The following MPC2 variants were observed in gnomAD, a reference collection of about 807,000 sequenced individuals.
MPC2 encodes the protein mitochondrial pyruvate carrier 2.
In MPC2, 19 loss-of-function variants were observed where a neutral mutation model predicts 19.2. The observed-to-expected ratio is 0.99, with a 90% CI of 0.69 to 1.45. The LOEUF is 1.45. Among genes scored for constraint, MPC2 ranks in the 40% most tolerant of loss-of-function variants. The pLI, the probability that MPC2 is intolerant of heterozygous loss-of-function variation, is 0.00. For missense variants in MPC2, 122 were observed against 153.0 expected (o/e 0.80, Z 1.07); for synonymous variants, 61 against 54.3 (o/e 1.12, Z -0.54).
chr1:167,935,358 C>T (rs532670934), intron 2 of MPC2, among the ~76,000 whole-genome samples: 1 of 152,282 alleles, frequency 6.6e-6, no homozygotes, highest in African/African-American at 2.4e-5. Flanking sequence ...CCAGCTCTGC[C>T]TAGAGTGGGT....
chr1:167,926,932 T>C (rs890195333), intron 2 of MPC2, among the ~76,000 whole-genome samples: 2 of 152,204 alleles, frequency 1.3e-5, no homozygotes. Flanking sequence ...TTAGGCTAAA[T>C]TGCTCCTTCT....
At chr1:167,931,769 A>C (rs1337021188) in intron 2 of MPC2, among the ~76,000 whole-genome samples, 1 of 152,154 alleles carries the variant, frequency 6.6e-6, no homozygotes, top group Non-Finnish European at 1.5e-5. Context: ...CTATTGTAAC[A>C]TCAATTCTCT....
chr1:167,932,147 C>G (rs1346103234), intron 2 of MPC2, among the ~76,000 whole-genome samples: 1 of 152,156 alleles, frequency 6.6e-6, no homozygotes, highest in Non-Finnish European at 1.5e-5. Flanking sequence ...GTTTTTGGGA[C>G]TAACTTCACC....
chr1:167,931,644 A>C (rs1202581585), intron 2 of MPC2, among the ~76,000 whole-genome samples: 1 of 152,080 alleles, frequency 6.6e-6, no homozygotes, highest in Non-Finnish European at 1.5e-5. Context: ...CAGAGATGCT[A>C]AAGAACTGTG....
Position 167,936,974 on chromosome 1 carries a change from G to A in MPC2, c.-93C>T. 2 of 1,611,204 alleles carry A rather than the reference G, an allele frequency of 1.2e-6. No individual in the cohort carries two copies. Among genetic ancestry groups the A allele is most frequent in the Non-Finnish European group, 1.7e-6 (2 of 1,179,256 alleles). On this transcript the variant is annotated 5_prime_UTR_variant, in exon 1 of 6. Transcript: ENST00000271373. Reference sequence around the variant, plus strand: ...ACGTGAGGAAAAGGTCCCTCGGGCTGGAGGACCCGTCCCGGCTGCGGAGTC... The same window carrying A: ...ACGTGAGGAAAAGGTCCCTCGGGCTAGAGGACCCGTCCCGGCTGCGGAGTC...
intron 2 of MPC2, among the ~76,000 whole-genome samples, chr1:167,925,690 G>A (rs937104273): frequency 2.0e-5 from 3 of 151,316 alleles, no homozygotes; most frequent in South Asian, 2.1e-4. Flanking sequence ...GGGATTACAG[G>A]CGCCTGCCAC....
At chr1:167,931,935 ATTTAGAC>A (rs1670923694) in intron 2 of MPC2, among the ~76,000 whole-genome samples, 1 of 152,322 alleles carries the variant, frequency 6.6e-6, no homozygotes, top group East Asian at 1.9e-4. Flanking sequence ...TATTATTCTT[ATTTAGAC>A]TTTAAAGTAA....
chr1:167,930,823 T>C (rs1398284379), intron 2 of MPC2, among the ~76,000 whole-genome samples: 2 of 152,254 alleles, frequency 1.3e-5, no homozygotes, highest in African/African-American at 2.4e-5. Flanking sequence ...AATGATAAAC[T>C]ATTTATAGCT....
At chr1:167,923,215 A>G (rs2102534453) in intron 3 of MPC2, among the ~76,000 whole-genome samples, 1 of 152,338 alleles carries the variant, frequency 6.6e-6, no homozygotes, top group African/African-American at 2.4e-5. Flanking sequence ...GAAGAATTAA[A>G]AGTATTGACT....
At chr1:167,925,478 T>TATATATATATAC (rs1298972592) in intron 2 of MPC2, among the ~76,000 whole-genome samples, 164 of 122,500 alleles carry the variant, frequency 1.3e-3, no homozygotes, top group Middle Eastern at 4.3e-3. Flanking sequence ...TATATATACA[T>TATATATATATAC]ATACATATAC....
chr1:167,936,542 TC>T (rs369791899), intron 1 of MPC2: 3 of 265,710 alleles, frequency 1.1e-5, no homozygotes, highest in African/African-American at 7.0e-5. Flanking sequence ...CCAGCCTCAG[TC>T]CCCAGGGTGG....
At chr1:167,929,317 C>T (rs1406765041) in intron 2 of MPC2, among the ~76,000 whole-genome samples, 1 of 152,016 alleles carries the variant, frequency 6.6e-6, no homozygotes, top group African/African-American at 2.4e-5. Context: ...CGAGATTGCA[C>T]CATTGCACTC....
intron 5 of MPC2, 75 bp downstream of exon 5, chr1:167,919,904 T>C (rs1670558068): frequency 9.9e-7 from 1 of 1,009,590 alleles, no homozygotes; most frequent in South Asian, 1.5e-5. Context: ...CGAGACCCCG[T>C]CTCAAAAAAA....
At chr1:167,924,141 T>A (rs1435995337) in intron 3 of MPC2, among the ~76,000 whole-genome samples, 2 of 152,158 alleles carry the variant, frequency 1.3e-5, no homozygotes, top group Non-Finnish European at 2.9e-5. Flanking sequence ...TGATAGTACC[T>A]TCAGTTCTCA....
intron 2 of MPC2, among the ~76,000 whole-genome samples, chr1:167,927,595 C>T (rs1375691264): frequency 6.6e-6 from 1 of 152,200 alleles, no homozygotes; most frequent in African/African-American, 2.4e-5. Flanking sequence ...GTTTCTGTCA[C>T]CCCAAAATTG....
chr1:167,935,670 A>T (rs1289430940), intron 2 of MPC2, 63 bp downstream of exon 2: 1 of 1,419,678 alleles, frequency 7.0e-7, no homozygotes, highest in Non-Finnish European at 9.7e-7. Flanking sequence ...GGGCCTCTAA[A>T]AGGTCCATTT....
intron 1 of MPC2, 136 bp from the exon 2 acceptor site, chr1:167,936,034 G>A (rs1442490079): frequency 1.7e-5 from 10 of 601,158 alleles, no homozygotes; most frequent in Admixed American, 3.0e-5. Flanking sequence ...CGAAGGTTGA[G>A]GGGGCGGAGG....
At chr1:167,926,873 G>A (rs977645119) in intron 2 of MPC2, among the ~76,000 whole-genome samples, 1 of 151,992 alleles carries the variant, frequency 6.6e-6, no homozygotes, top group African/African-American at 2.4e-5. Context: ...CTCATCTCAG[G>A]TTGCATCTCC....
intron 2 of MPC2, among the ~76,000 whole-genome samples, chr1:167,930,690 G>C (rs1670881965): frequency 6.6e-6 from 1 of 152,188 alleles, no homozygotes; most frequent in African/African-American, 2.4e-5. Flanking sequence ...GAGAGTTCTG[G>C]ATAGAGCAAC....
Sources: gnomAD v4.1 joint callset for allele counts (sites outside exome capture counted in the v4.1 genomes callset) on GRCh38, gnomAD v4.1.1 for gene constraint, MANE v1.5 for transcripts, NCBI Gene and HGNC (gene_info 2026-07-23, HGNC 2026-07-21) for gene names.